The following SMAP2 variants were observed in gnomAD, a reference collection of about 807,000 sequenced individuals.
SMAP2 encodes the protein stromal membrane-associated protein 2.
A neutral mutation model predicts 56.4 loss-of-function variants in SMAP2; 25 were observed. The ratio of observed to expected loss-of-function variants is 0.44; its 90% confidence interval spans 0.32 to 0.62. The LOEUF (loss-of-function observed/expected upper bound fraction) is 0.62, where lower values mean the gene tolerates loss of function less well. SMAP2 is among the 20% of genes least tolerant of loss of function. SMAP2 has a pLI of 0.04. For synonymous variants in SMAP2, 157 were observed against 181.7 expected, an observed-to-expected ratio of 0.86 and a Z score of 1.09; for missense variants, 388 against 545.6, an observed-to-expected ratio of 0.71 and a Z score of 2.88.
intron 1 of SMAP2, among the ~76,000 whole-genome samples, chr1:40,390,683 T>C (rs1045106624): frequency 2.6e-5 from 4 of 152,176 alleles, no homozygotes; most frequent in Non-Finnish European, 5.9e-5. Flanking sequence ...GTGACCATTA[T>C]TGAGCATTTA....
chr1:40,345,135 G>A (rs1022832492), intron 1 of SMAP2, among the ~76,000 whole-genome samples: 4 of 152,002 alleles, frequency 2.6e-5, no homozygotes, highest in Non-Finnish European at 5.9e-5. Flanking sequence ...TGGGCATAGT[G>A]GCTCACACCT....
chr1:40,414,632 A>G (rs557180285), intron 6 of SMAP2, among the ~76,000 whole-genome samples: 4 of 152,294 alleles, frequency 2.6e-5, no homozygotes, highest in East Asian at 3.9e-4. Context: ...TCTTAGCCCC[A>G]TGCCTGGCAC....
chr1:40,371,608 CA>C (rs1424868301), upstream of SMAP2, among the ~76,000 whole-genome samples: 2 of 152,166 alleles, frequency 1.3e-5, no homozygotes, highest in African/African-American at 4.8e-5. Flanking sequence ...AAGAGAAGCA[CA>C]AGAGGCTCAA....
At chr1:40,347,845 T>A (rs1471828658) in intron 1 of SMAP2, among the ~76,000 whole-genome samples, 1 of 152,228 alleles carries the variant, frequency 6.6e-6, no homozygotes, top group African/African-American at 2.4e-5. Flanking sequence ...TTTAAAAACA[T>A]ACATTAAATG....
intron 4 of SMAP2, among the ~76,000 whole-genome samples, chr1:40,411,539 C>T (rs898990904): frequency 9.9e-5 from 15 of 152,080 alleles, no homozygotes; most frequent in Non-Finnish European, 2.1e-4. Flanking sequence ...GCCCGGTTAC[C>T]GGATGTTTCT....
chr1:40,403,529 C>T (rs750276729), intron 1 of SMAP2, among the ~76,000 whole-genome samples: 31 of 151,980 alleles, frequency 2.0e-4, no homozygotes, highest in Non-Finnish European at 3.4e-4. Context: ...AAAAGAAGCA[C>T]TCCGTGGTGT....
intron 1 of SMAP2, among the ~76,000 whole-genome samples, chr1:40,392,491 A>G (rs2124278739): frequency 1.3e-5 from 2 of 152,246 alleles, no homozygotes; most frequent in South Asian, 4.1e-4. Flanking sequence ...TTTGGCTCCT[A>G]ATGAAATAAT....
At chr1:40,371,305 T>A (rs1270720634), upstream of SMAP2, among the ~76,000 whole-genome samples, 1 of 152,066 alleles carries the variant, frequency 6.6e-6, no homozygotes, top group Non-Finnish European at 1.5e-5. Flanking sequence ...AATGTGTACT[T>A]GGGAGGAGCA....
rs1569859344 is a variant in SMAP2, at chr1:40,386,544, A to T, written c.103+12321A>T. 6.6e-6 allele frequency among the ~76,000 whole-genome samples: 1 copy of T among 152,340 alleles called. No homozygotes were observed. The highest frequency in any genetic ancestry group is 1.9e-4 in the East Asian group (1 of 5,188). On this transcript the variant is annotated intron_variant, in intron 1 of 9. Coordinates refer to ENST00000372718, the MANE Select transcript of SMAP2 (RefSeq NM_022733.3). This position sits in a 1 kb window ranked among gnomAD's most constrained non-coding sequence, Gnocchi z 4.1. ...AGTCTCGACAGAAGTAGCCTGACAC[A>T]AGTGGCTCAGATCAAGGGTCCATAT...
rs1557819108 is a variant in SMAP2 at position 40,347,258 on chromosome 1, T to TG, written c.-83+2348_-83+2349insG. 2.0e-3 allele frequency among the ~76,000 whole-genome samples: 286 copies of TG among 141,848 alleles called. 2 individuals carry two copies. Among genetic ancestry groups the TG allele is most frequent in the African/African-American group, 5.6e-3 (205 of 36,792 alleles). 93.1% of individuals were successfully genotyped at this position (141,848 alleles called of 152,430 possible). ...TGTGTGTGTTTTGTTTTTGTTTTTTTTTTTTTTTTTAAAGCAAAGATGGAG... is the reference window on the plus strand; with the variant it reads ...TGTGTGTGTTTTGTTTTTGTTTTTTTGTTTTTTTTTTAAAGCAAAGATGGAG... On this transcript the variant is annotated intron_variant, in intron 1 of 6. Coordinates refer to the SMAP2 transcript ENST00000435168.
rs1279749889 is a variant in SMAP2, at chr1:40,385,408, G to A, written c.103+11185G>A. Among the ~76,000 whole-genome samples the A allele has an allele frequency of 1.3e-5, 2 of 151,950 alleles. No individual in the cohort carries two copies. The highest frequency in any genetic ancestry group is 2.9e-5 in the Non-Finnish European group (2 of 68,006). ...GTTCTGGATTTCATAAGCTTACTTG[G>A]AAAATACTTTTTTAAAAAAAACATT... On this transcript the variant is annotated intron_variant, in intron 1 of 9. Coordinates refer to ENST00000372718, the MANE Select transcript of SMAP2 (RefSeq NM_022733.3). The surrounding 1 kb of genome is among the most constrained non-coding windows in gnomAD (Gnocchi z 4.5).
At chr1:40,402,456 TTTG>T (rs1273538883) in intron 1 of SMAP2, among the ~76,000 whole-genome samples, 1 of 152,160 alleles carries the variant, frequency 6.6e-6, no homozygotes, top group Non-Finnish European at 1.5e-5. Flanking sequence ...TTTTTGTATT[TTTG>T]TTTTTTTTTT....
chr1:40,384,286 T>C (rs1644632135), intron 1 of SMAP2, among the ~76,000 whole-genome samples: 1 of 152,178 alleles, frequency 6.6e-6, no homozygotes, highest in African/African-American at 2.4e-5. Context: ...ACTAGTCTTA[T>C]TGATTTGTTT....
chr1:40,380,606 T>G (rs1253762072), intron 1 of SMAP2, among the ~76,000 whole-genome samples: 1 of 150,866 alleles, frequency 6.6e-6, no homozygotes, highest in African/African-American at 2.4e-5. Flanking sequence ...CTTGGCTCAC[T>G]GCAACCTCCA....
At chr1:40,421,901 A>G (rs1048341572) in intron 9 of SMAP2, 75 bp from the exon 10 acceptor site, 55 of 1,555,146 alleles carry the variant, frequency 3.5e-5, no homozygotes, top group Non-Finnish European at 4.9e-5. Flanking sequence ...AGAGAAAGGG[A>G]CTCTCACCCT....
At position 40,356,790 on chromosome 1, in the gene SMAP2, G is replaced by T. The variant is rs148303112; in HGVS notation, c.-82-5510G>T. Reference sequence around the variant, plus strand: ...ATTTACATTCCCAACAACAGTGTACGAGGGTTCCCTTTTCTTCACATCCTC... The same window carrying T: ...ATTTACATTCCCAACAACAGTGTACTAGGGTTCCCTTTTCTTCACATCCTC... On this transcript the variant is annotated intron_variant, in intron 1 of 6. Transcript: ENST00000435168. Among the ~76,000 whole-genome samples, 570 of 152,280 alleles carry T rather than the reference G, an allele frequency of 3.7e-3. 1 individual carries two copies. The highest frequency in any genetic ancestry group is 6.8e-3 in the Middle Eastern group (2 of 294).
At position 40,416,694 on chromosome 1, in the gene SMAP2, A is replaced by G. The variant is rs539039809; in HGVS notation, c.848-86A>G. ...GAGTAGAGTAATCCTGAGAAATTCC[A>G]GCTGGAAAGGGTTAGCCAGGGAGAG... On this transcript the variant is annotated intron_variant, in intron 8 of 9. Transcript: ENST00000372718. 1.2e-5 allele frequency: 16 copies of G among 1,346,994 alleles called. No individual in the cohort carries two copies. In the South Asian group the frequency reaches 1.8e-4, roughly 15 times the overall value. The allele number at this position is 1,346,994 out of a possible 1,614,324, so 83.4% of individuals were successfully genotyped here.
chr1:40,413,718 CAG>C (rs1464919360), intron 5 of SMAP2, among the ~76,000 whole-genome samples: 2 of 152,194 alleles, frequency 1.3e-5, no homozygotes, highest in Non-Finnish European at 2.9e-5. Flanking sequence ...GTGATACTGG[CAG>C]AGTGAATTAG....
chr1:40,402,661 G>C (rs1380391063), intron 1 of SMAP2, among the ~76,000 whole-genome samples: 1 of 152,060 alleles, frequency 6.6e-6, no homozygotes, highest in African/African-American at 2.4e-5. Flanking sequence ...GTGTTGGCCA[G>C]GCTGACTAAC....
Sources: allele counts gnomAD v4.1 joint callset (sites outside exome capture counted in the v4.1 genomes callset), GRCh38; gene constraint gnomAD v4.1.1; non-coding constraint Gnocchi (gnomAD v3.1); transcripts MANE v1.5; gene names NCBI Gene and HGNC (gene_info 2026-07-23, HGNC 2026-07-21).